The following DSCAML1 variants were observed in gnomAD, a reference collection of about 807,000 sequenced individuals.
The protein encoded by DSCAML1 is DS cell adhesion molecule like 1.
DSCAML1 carries 38 observed loss-of-function variants against 200.5 expected under a neutral mutation model. The ratio of observed to expected loss-of-function variants is 0.19; its 90% CI spans 0.15 to 0.25. The LOEUF (loss-of-function observed/expected upper bound fraction) is 0.25. DSCAML1 is among the 10% of genes least tolerant of loss of function. The pLI is 1.00. For synonymous variants in DSCAML1, 1,215 were observed against 1,165.0 expected (o/e 1.04, Z -0.87); for missense variants, 2,223 against 2,858.8 (o/e 0.78, Z 5.07).
chr11:117,614,280 T>G (rs368724022), intron 3 of DSCAML1, among the ~76,000 whole-genome samples: 28 of 152,236 alleles, frequency 1.8e-4, no homozygotes, highest in African/African-American at 5.3e-4. Context: ...CCCAGTGTCC[T>G]CGGGAGTGAA....
intron 3 of DSCAML1, among the ~76,000 whole-genome samples, chr11:117,625,592 G>C (rs1443448753): frequency 6.6e-6 from 1 of 152,218 alleles, no homozygotes; most frequent in Non-Finnish European, 1.5e-5. Flanking sequence ...GTCCAGGGCA[G>C]AGAGGATGCT....
chr11:117,544,341 T>C (rs906884523), intron 3 of DSCAML1, among the ~76,000 whole-genome samples: 3 of 152,210 alleles, frequency 2.0e-5, no homozygotes, highest in South Asian at 2.1e-4. Context: ...AGATAGTTCA[T>C]AGGACTAATG....
Position 117,430,881 on chromosome 11 carries a change from G to T in DSCAML1, c.5527C>A (p.Gln1843Lys). ...ECFISDSSSD[Q>K]MTTGTNENAD... ...TTCTCGTTGGTGCCTGTGGTCATCT[G>T]GTCAGAGGAACTGTCAGAGATGAAG... Residue 1843 changes from glutamine (Q) to lysine (K), a missense_variant, in exon 32 of 33, where the codon CAG becomes AAG. Coordinates refer to ENST00000651296, the MANE Select transcript of DSCAML1 (RefSeq NM_020693.4). 6.2e-7 allele frequency: 1 copy of T among 1,614,118 alleles called. No homozygotes were observed. Among genetic ancestry groups the T allele is most frequent in the Non-Finnish European group, 8.5e-7 (1 of 1,180,026 alleles).
intron 3 of DSCAML1, among the ~76,000 whole-genome samples, chr11:117,676,605 C>T (rs561373790): frequency 4.6e-5 from 7 of 152,312 alleles, no homozygotes; most frequent in South Asian, 2.1e-4. Context: ...CAGAAGCTGT[C>T]GCACCTCCAG....
intron 3 of DSCAML1, among the ~76,000 whole-genome samples, chr11:117,669,532 A>G (rs1810779220): frequency 6.6e-6 from 1 of 152,348 alleles, no homozygotes; most frequent in East Asian, 1.9e-4. Context: ...CCCTGGGCAT[A>G]TACAAGTGAA....
chr11:117,797,392 G>T, upstream of DSCAML1: 1 of 709,832 alleles, frequency 1.4e-6, no homozygotes, highest in Non-Finnish European at 2.0e-6. Flanking sequence ...GCCCGGGCCA[G>T]ACCGCCCCGA....
intron 3 of DSCAML1, among the ~76,000 whole-genome samples, chr11:117,720,784 G>T (rs1037895875): frequency 1.3e-5 from 2 of 152,224 alleles, no homozygotes; most frequent in Non-Finnish European, 2.9e-5. Flanking sequence ...TTAAATGAGA[G>T]AATTCCTGCA....
chr11:117,802,473 T>C (rs2055670321), intron 1 of DSCAML1, among the ~76,000 whole-genome samples: 2 of 152,210 alleles, frequency 1.3e-5, no homozygotes, highest in East Asian at 1.9e-4. Context: ...TCAGTAAGTG[T>C]TGATTTAATG....
At chr11:117,777,685 C>G (rs947422739) in intron 2 of DSCAML1, among the ~76,000 whole-genome samples, 1 of 152,066 alleles carries the variant, frequency 6.6e-6, no homozygotes, top group Non-Finnish European at 1.5e-5. Context: ...CCCTCCCTGA[C>G]CCCCAGACTT....
At chr11:117,809,847 ACACACT>A (rs1488423371) in intron 1 of DSCAML1, among the ~76,000 whole-genome samples, 2 of 151,890 alleles carry the variant, frequency 1.3e-5, no homozygotes, top group Admixed American at 6.6e-5. Context: ...ACAGTCACAT[ACACACT>A]CACACTCACT....
At chr11:117,616,715 G>A (rs2051817642) in intron 3 of DSCAML1, among the ~76,000 whole-genome samples, 1 of 152,152 alleles carries the variant, frequency 6.6e-6, no homozygotes, top group South Asian at 2.1e-4. Flanking sequence ...TCTATTTCTT[G>A]AGCTAAGTGA....
At chr11:117,453,724 G>C (rs2048323098) in intron 19 of DSCAML1, among the ~76,000 whole-genome samples, 2 of 129,952 alleles carry the variant, frequency 1.5e-5, no homozygotes, top group South Asian at 5.0e-4. Context: ...GCTTAGGTGT[G>C]GATTTCTTTC....
At chr11:117,560,249 T>C (rs954105978) in intron 3 of DSCAML1, among the ~76,000 whole-genome samples, 21 of 152,160 alleles carry the variant, frequency 1.4e-4, no homozygotes, top group African/African-American at 5.1e-4. Flanking sequence ...GTCCAGGTAC[T>C]ATGCTACGGT....
Position 117,432,365 on chromosome 11 carries a change from G to A in DSCAML1, c.5166C>T (p.Ile1722=). The A allele has an allele frequency of 6.2e-7, 1 of 1,613,814 alleles. No homozygotes were observed. The highest frequency in any genetic ancestry group is 8.5e-7 in the Non-Finnish European group (1 of 1,179,922). The change falls in exon 30 of 33, where the codon ATC becomes ATT. Residue 1722 remains isoleucine (I), a synonymous_variant. Transcript: ENST00000651296. ...GATAATGCGTACTGGTTCCTGGCCG[G>A]ATGTCAGACATGTCGATGAGGGGTC... ...STGPLIDMSD[I]RPGTNPVSRK...
chr11:117,464,234 T>A (rs1311200770), intron 17 of DSCAML1, among the ~76,000 whole-genome samples: 10 of 152,174 alleles, frequency 6.6e-5, no homozygotes. Context: ...TGCTGCTTCT[T>A]TATTCTGCTC....
intron 3 of DSCAML1, among the ~76,000 whole-genome samples, chr11:117,617,095 TAGG>T (rs1321008379): frequency 1.3e-5 from 2 of 152,176 alleles, no homozygotes; most frequent in Non-Finnish European, 2.9e-5. Context: ...CTCACAACAG[TAGG>T]AGGTCAGTAT....
intron 3 of DSCAML1, among the ~76,000 whole-genome samples, chr11:117,672,127 G>C (rs1030598723): frequency 8.3e-6 from 1 of 121,102 alleles, no homozygotes; most frequent in Non-Finnish European, 1.7e-5. Context: ...AAAAAAAGAA[G>C]AAACCTTGGG....
At chr11:117,544,635 C>A (rs2050336979) in intron 3 of DSCAML1, among the ~76,000 whole-genome samples, 1 of 152,188 alleles carries the variant, frequency 6.6e-6, no homozygotes, top group African/African-American at 2.4e-5. Context: ...TTCTTCCTCT[C>A]CTTTCCTTGG....
intron 3 of DSCAML1, among the ~76,000 whole-genome samples, chr11:117,542,320 AAC>A (rs1166216360): frequency 9.9e-6 from 1 of 100,656 alleles, no homozygotes; most frequent in Non-Finnish European, 2.2e-5. Context: ...AACAAAACAA[AAC>A]AAAACACAAA....
Sources: allele counts gnomAD v4.1 joint callset (sites outside exome capture counted in the v4.1 genomes callset), GRCh38; gene constraint gnomAD v4.1.1; transcripts MANE v1.5; gene names NCBI Gene and HGNC (gene_info 2026-07-23, HGNC 2026-07-21).